Variants in FOXP2 observed in about 807,000 individuals in gnomAD.
The protein encoded by FOXP2 is forkhead box P2.
A neutral mutation model predicts 115.8 loss-of-function variants in FOXP2; 12 were observed. The observed-to-expected ratio is 0.10, with a 90% confidence interval of 0.07 to 0.17. The LOEUF is 0.17. Among genes scored for constraint, FOXP2 ranks in the 10% least tolerant of loss-of-function variants. The pLI is 1.00. For missense variants in FOXP2, 629 were observed against 843.5 expected (o/e 0.75, Z 3.15); for synonymous variants, 328 against 297.7 (o/e 1.10, Z -1.05).
intron 10 of FOXP2, among the ~76,000 whole-genome samples, chr7:114,654,403 A>G (rs1305693167): frequency 6.6e-6 from 1 of 152,206 alleles, no homozygotes; most frequent in Non-Finnish European, 1.5e-5. Context: ...CAGATCAATC[A>G]TAAGATACAT....
At chr7:114,628,025 A>C (rs757726416) in intron 3 of FOXP2, among the ~76,000 whole-genome samples, 28 of 152,016 alleles carry the variant, frequency 1.8e-4, no homozygotes, top group Non-Finnish European at 3.2e-4. Context: ...GTACTTTATC[A>C]TGTGTATATA....
At chr7:114,439,595 G>C (rs1008023192) in intron 2 of FOXP2, among the ~76,000 whole-genome samples, 1 of 151,930 alleles carries the variant, frequency 6.6e-6, no homozygotes, top group Non-Finnish European at 1.5e-5. Context: ...AGGCTGGATG[G>C]AGTGCAGTGG....
chr7:114,127,828 CTCTTT>C (rs992299394), intron 1 of FOXP2, among the ~76,000 whole-genome samples: 15 of 152,096 alleles, frequency 9.9e-5, no homozygotes, highest in Non-Finnish European at 1.9e-4. Flanking sequence ...TTTTCCTTTC[CTCTTT>C]TCTTCTCCCA....
At chr7:114,570,740 T>C (rs1173790442) in intron 3 of FOXP2, 2 of 1,151,716 alleles carry the variant, frequency 1.7e-6, no homozygotes, top group Admixed American at 3.4e-5. Flanking sequence ...AATGATAATG[T>C]ACGTTATTAG....
At chr7:114,136,200 T>C (rs1192199119) in intron 1 of FOXP2, among the ~76,000 whole-genome samples, 2 of 152,102 alleles carry the variant, frequency 1.3e-5, no homozygotes, top group African/African-American at 4.8e-5. Flanking sequence ...GATACTTCCT[T>C]CTATCCTCTA....
chr7:114,255,068 G>GTTTT (rs759325031), intron 1 of FOXP2, among the ~76,000 whole-genome samples: 2 of 152,178 alleles, frequency 1.3e-5, no homozygotes, highest in Admixed American at 6.5e-5. Context: ...TCCAGACCCT[G>GTTTT]TTTGCCTGGG....
chr7:114,579,005 C>G (rs1345128859), intron 3 of FOXP2, among the ~76,000 whole-genome samples: 1 of 152,072 alleles, frequency 6.6e-6, no homozygotes, highest in Non-Finnish European at 1.5e-5. Context: ...GGTTACCAAG[C>G]CTTAATCCTT....
intron 2 of FOXP2, among the ~76,000 whole-genome samples, chr7:114,455,346 A>G (rs909898082): frequency 1.6e-4 from 25 of 152,180 alleles, no homozygotes; most frequent in African/African-American, 5.8e-4. Flanking sequence ...TTTCCTAACC[A>G]TATCTAGAAC....
chr7:114,342,159 TG>T (rs1045866340), intron 2 of FOXP2, among the ~76,000 whole-genome samples: 36 of 151,534 alleles, frequency 2.4e-4, no homozygotes, highest in Middle Eastern at 3.4e-3. Flanking sequence ...TTCTTGAACT[TG>T]GAAAGACCAA....
intron 2 of FOXP2, among the ~76,000 whole-genome samples, chr7:114,455,357 C>G (rs1487618984): frequency 6.6e-6 from 1 of 152,152 alleles, no homozygotes; most frequent in East Asian, 1.9e-4. Flanking sequence ...TATCTAGAAC[C>G]ATTTGCCATT....
intron 2 of FOXP2, among the ~76,000 whole-genome samples, chr7:114,321,247 G>T (rs1313306168): frequency 6.6e-6 from 1 of 151,598 alleles, no homozygotes; most frequent in Non-Finnish European, 1.5e-5. Context: ...TGCCCAGGCT[G>T]GAGTGCAGTG....
At chr7:114,620,865 C>T (rs1804212746) in intron 3 of FOXP2, among the ~76,000 whole-genome samples, 1 of 151,916 alleles carries the variant, frequency 6.6e-6, no homozygotes, top group Admixed American at 6.6e-5. Flanking sequence ...CTACTATGTA[C>T]TTTCATATGT....
intron 2 of FOXP2, among the ~76,000 whole-genome samples, chr7:114,510,709 G>C (rs1202604107): frequency 6.6e-6 from 1 of 152,170 alleles, no homozygotes; most frequent in African/African-American, 2.4e-5. Flanking sequence ...GGAAACAACA[G>C]ATGCTGGAGA....
At chr7:114,547,311 T>C (rs1799972886) in intron 3 of FOXP2, among the ~76,000 whole-genome samples, 1 of 152,232 alleles carries the variant, frequency 6.6e-6, no homozygotes. Flanking sequence ...CATTGTTTGC[T>C]TACAATAAAT....
chr7:114,091,225 C>A (rs920901353), intron 1 of FOXP2, among the ~76,000 whole-genome samples: 1 of 151,774 alleles, frequency 6.6e-6, no homozygotes, highest in African/African-American at 2.4e-5. Context: ...AAGTGCCTAG[C>A]TGTGGTGAAG....
At chr7:114,640,602 G>T (rs1805468756) in intron 6 of FOXP2, among the ~76,000 whole-genome samples, 1 of 152,118 alleles carries the variant, frequency 6.6e-6, no homozygotes, top group Non-Finnish European at 1.5e-5. Flanking sequence ...CATTTGCAGG[G>T]ATTGGGGTGA....
At chr7:114,379,082 A>AT (rs1792215512) in intron 2 of FOXP2, among the ~76,000 whole-genome samples, 2 of 151,810 alleles carry the variant, frequency 1.3e-5, no homozygotes, top group African/African-American at 2.4e-5. Flanking sequence ...TTTTATTTTT[A>AT]TTTTTTGCAG....
chr7:114,128,606 C>T (rs560455918), intron 1 of FOXP2, among the ~76,000 whole-genome samples: 71 of 151,910 alleles, frequency 4.7e-4, no homozygotes, highest in South Asian at 2.5e-3. Context: ...GGGATCAAAA[C>T]GCTCCAAAAA....
At chr7:114,120,718 A>G (rs754955037) in intron 1 of FOXP2, among the ~76,000 whole-genome samples, 132 of 134,742 alleles carry the variant, frequency 9.8e-4, no homozygotes, top group African/African-American at 2.7e-3. Flanking sequence ...GTGTGTGTGT[A>G]TATATATGTA....
Sources: allele counts gnomAD v4.1 joint callset (sites outside exome capture counted in the v4.1 genomes callset), GRCh38; gene constraint gnomAD v4.1.1; transcripts MANE v1.5; gene names NCBI Gene and HGNC (gene_info 2026-07-23, HGNC 2026-07-21).